Variants in DDX4 observed in about 807,000 individuals in gnomAD.
DDX4 encodes the protein probable ATP-dependent RNA helicase DDX4.
In DDX4, 25 loss-of-function variants were observed where a neutral mutation model predicts 100.0. The observed-to-expected ratio is 0.25, with a 90% CI of 0.18 to 0.35. The LOEUF is 0.35. Ranked by LOEUF, DDX4 falls within the 10% of genes least tolerant of loss-of-function variation. The pLI, the probability that DDX4 is intolerant of heterozygous loss-of-function variation, is 1.00. For synonymous variants in DDX4, 259 were observed against 275.7 expected (o/e 0.94, Z 0.60); for missense variants, 635 against 882.4 (o/e 0.72, Z 3.55).
chr5:55,767,260 G>A (rs928693311), intron 6 of DDX4, among the ~76,000 whole-genome samples: 15 of 152,142 alleles, frequency 9.9e-5, no homozygotes, highest in African/African-American at 3.6e-4. Context: ...GGCCAACATG[G>A]CAAAACCGCA....
At chr5:55,756,896 TGGG>T (rs966220480) in intron 3 of DDX4, among the ~76,000 whole-genome samples, 40 of 152,238 alleles carry the variant, frequency 2.6e-4, no homozygotes, top group African/African-American at 9.4e-4. Flanking sequence ...ATATGTATTG[TGGG>T]GATTGCCGTG....
chr5:55,742,251 A>G (rs1759017892), intron 2 of DDX4: 2 of 456,256 alleles, frequency 4.4e-6, no homozygotes, highest in South Asian at 1.5e-5. Flanking sequence ...ATGGATGGGT[A>G]TGGTGAGTGT....
At chr5:55,804,255 T>C (rs1743539903) in intron 18 of DDX4, among the ~76,000 whole-genome samples, 1 of 152,106 alleles carries the variant, frequency 6.6e-6, no homozygotes, top group Non-Finnish European at 1.5e-5. Flanking sequence ...GCGAAAATTT[T>C]CTCCCGTTTT....
chr5:55,816,434 CTTTT>C (rs71602915), intron 21 of DDX4, 25 bp from the exon 22 acceptor site: 5 of 1,441,908 alleles, frequency 3.5e-6, no homozygotes, highest in South Asian at 1.3e-5. Context: ...TTGTTTGTTT[CTTTT>C]TTTTTTTTTT....
intron 10 of DDX4, among the ~76,000 whole-genome samples, chr5:55,784,344 G>T (rs1232883713): frequency 6.6e-6 from 1 of 152,142 alleles, no homozygotes; most frequent in Non-Finnish European, 1.5e-5. Flanking sequence ...TTTTTGTTCT[G>T]TCTGGCCCCT....
At chr5:55,777,699 T>G (rs1199295405) in intron 7 of DDX4, 2 of 152,164 alleles carry the variant, frequency 1.3e-5, no homozygotes, top group East Asian at 3.9e-4. Flanking sequence ...TAGCACACGT[T>G]TACCTATGTA....
chr5:55,769,673 T>G (rs1414391368), intron 7 of DDX4, among the ~76,000 whole-genome samples: 1 of 151,976 alleles, frequency 6.6e-6, no homozygotes, highest in East Asian at 1.9e-4. Flanking sequence ...ATTTTAAAAT[T>G]CATATGGAAC....
chr5:55,780,861 A>G (rs778104003), intron 8 of DDX4, among the ~76,000 whole-genome samples: 17 of 152,340 alleles, frequency 1.1e-4, no homozygotes, highest in South Asian at 4.1e-4. Context: ...ATTCCTTTGC[A>G]CAATACTTAG....
At chr5:55,739,560 G>T (rs1758869693) in intron 2 of DDX4, among the ~76,000 whole-genome samples, 1 of 152,102 alleles carries the variant, frequency 6.6e-6, no homozygotes, top group Non-Finnish European at 1.5e-5. Context: ...CTTCAGTTCT[G>T]ACTTGGAAAT....
At chr5:55,790,778 G>C (rs878893725) in intron 16 of DDX4, 73 bp downstream of exon 16, 24 of 1,369,410 alleles carry the variant, frequency 1.8e-5, no homozygotes, top group Admixed American at 8.7e-5. Context: ...AAAGAATGAG[G>C]TAAAGACAGA....
At chr5:55,773,576 T>C (rs1316323736) in intron 7 of DDX4, among the ~76,000 whole-genome samples, 1 of 151,388 alleles carries the variant, frequency 6.6e-6, no homozygotes, top group East Asian at 1.9e-4. Flanking sequence ...TGGTGTTTTT[T>C]TAATTATAGC....
intron 18 of DDX4, among the ~76,000 whole-genome samples, chr5:55,806,954 T>A (rs1743769871): frequency 6.6e-6 from 1 of 152,186 alleles, no homozygotes; most frequent in Non-Finnish European, 1.5e-5. Flanking sequence ...TGTGTGAGAG[T>A]CTAAGTCTCT....
intron 7 of DDX4, among the ~76,000 whole-genome samples, chr5:55,768,321 CCTT>C (rs1741053058): frequency 6.6e-6 from 1 of 152,066 alleles, no homozygotes; most frequent in African/African-American, 2.4e-5. Context: ...TCTGTTGTTC[CCTT>C]CTTTGTGTCC....
At chr5:55,775,957 C>G (rs1741535920) in intron 7 of DDX4, among the ~76,000 whole-genome samples, 1 of 152,124 alleles carries the variant, frequency 6.6e-6, no homozygotes, top group South Asian at 2.1e-4. Context: ...CCCGTCTCTA[C>G]TAAAAATACA....
chr5:55,748,642 A>AT (rs1002392911), intron 3 of DDX4, among the ~76,000 whole-genome samples: 2 of 151,930 alleles, frequency 1.3e-5, no homozygotes, highest in African/African-American at 2.4e-5. Context: ...ATAATTTTTT[A>AT]TTTTTTTATG....
At chr5:55,766,611 C>T (rs1403415458) in intron 6 of DDX4, among the ~76,000 whole-genome samples, 1 of 152,140 alleles carries the variant, frequency 6.6e-6, no homozygotes, top group African/African-American at 2.4e-5. Flanking sequence ...TTGTCAGCTG[C>T]AGCTGAAATA....
At chr5:55,799,336 T>C (rs1043800287) in intron 18 of DDX4, among the ~76,000 whole-genome samples, 1 of 152,148 alleles carries the variant, frequency 6.6e-6, no homozygotes, top group Non-Finnish European at 1.5e-5. Flanking sequence ...GTGCTGAGGT[T>C]ACAGCCATGA....
chr5:55,761,810 A>T (rs1740568925), intron 4 of DDX4, among the ~76,000 whole-genome samples: 1 of 151,894 alleles, frequency 6.6e-6, no homozygotes, highest in South Asian at 2.1e-4. Context: ...GGGTTTCACC[A>T]TGTTGGCCAG....
At chr5:55,813,632 G>T (rs760699465) in intron 18 of DDX4, 41 bp from the exon 19 acceptor site, 5 of 1,509,446 alleles carry the variant, frequency 3.3e-6, no homozygotes, top group Admixed American at 2.3e-5. Flanking sequence ...TTCATTTCCT[G>T]ATTTTGAAGT....
Sources: gnomAD v4.1 joint callset for allele counts (sites outside exome capture counted in the v4.1 genomes callset) on GRCh38, gnomAD v4.1.1 for gene constraint, MANE v1.5 for transcripts, NCBI Gene and HGNC (gene_info 2026-07-23, HGNC 2026-07-21) for gene names.